The following LUC7L3 variants were observed in gnomAD, a reference collection of about 807,000 sequenced individuals.
The protein encoded by LUC7L3 is luc7-like protein 3.
A neutral mutation model predicts 66.8 loss-of-function variants in LUC7L3; 6 were observed. The observed-to-expected ratio is 0.09, with a 90% CI of 0.05 to 0.18. LUC7L3 has a LOEUF of 0.18. Ranked by LOEUF, LUC7L3 falls within the 10% of genes least tolerant of loss-of-function variation. LUC7L3 has a pLI of 1.00. For synonymous variants in LUC7L3, 160 were observed against 174.7 expected, an observed-to-expected ratio of 0.92 and a Z score of 0.66; for missense variants, 341 against 531.1, an observed-to-expected ratio of 0.64 and a Z score of 3.52.
At chr17:50,730,079 G>T (rs549125542) in intron 1 of LUC7L3, among the ~76,000 whole-genome samples, 6 of 151,178 alleles carry the variant, frequency 4.0e-5, no homozygotes, top group South Asian at 4.2e-4. Flanking sequence ...GCTTGAGCAG[G>T]CTCCTCCCAT....
intron 1 of LUC7L3, among the ~76,000 whole-genome samples, chr17:50,727,100 A>G (rs976226882): frequency 1.3e-5 from 2 of 152,096 alleles, no homozygotes; most frequent in Non-Finnish European, 2.9e-5. Context: ...AAAAAAAAAG[A>G]ATACAGTATA....
chr17:50,736,820 A>G, intron 1 of LUC7L3, 140 bp from the exon 2 acceptor site: 1 of 622,016 alleles, frequency 1.6e-6, no homozygotes, highest in Middle Eastern at 4.2e-4. Context: ...AATTTACCTA[A>G]TATGATTCAA....
chr17:50,755,717 A>G lies in LUC7L3; in HGVS notation c.*5056A>G, dbSNP rs1043195470. ...CTCGTAGCCATTCATTCCCGGATACATACCCTAGAGAAACTCTTACACATG... is the reference window on the plus strand; with the variant it reads ...CTCGTAGCCATTCATTCCCGGATACGTACCCTAGAGAAACTCTTACACATG... On this transcript the variant is annotated 3_prime_UTR_variant, in exon 10 of 10. Coordinates refer to ENST00000505658, the MANE Select transcript of LUC7L3 (RefSeq NM_016424.5). 3.9e-5 allele frequency: 6 copies of G among 152,212 alleles called. No individual in the cohort carries two copies. The highest frequency in any genetic ancestry group is 7.3e-5 in the Non-Finnish European group (5 of 68,046). 9.4% of individuals were successfully genotyped at this position (152,212 alleles called of 1,614,324 possible). A position where few individuals can be genotyped will look rare whatever the true frequency, so the allele number is the denominator to read the frequency against.
intron 1 of LUC7L3, chr17:50,723,079 C>CTA (rs1290365640): frequency 6.6e-6 from 1 of 152,154 alleles, no homozygotes; most frequent in Non-Finnish European, 1.5e-5. Context: ...AGAGAAGGCA[C>CTA]TAGTAGCCAT....
chr17:50,737,386 C>A (rs1470548560), intron 2 of LUC7L3: 1 of 457,876 alleles, frequency 2.2e-6, no homozygotes. Flanking sequence ...AGCAGAGCAA[C>A]CTGTACCCTA....
intron 1 of LUC7L3, among the ~76,000 whole-genome samples, chr17:50,721,549 C>T (rs1287631618): frequency 6.6e-6 from 1 of 152,206 alleles, no homozygotes; most frequent in Non-Finnish European, 1.5e-5. Context: ...TTGCACTTCA[C>T]TCTAGATTGA....
chr17:50,732,410 T>G (rs1969665681), intron 1 of LUC7L3, among the ~76,000 whole-genome samples: 1 of 152,164 alleles, frequency 6.6e-6, no homozygotes, highest in South Asian at 2.1e-4. Context: ...TATTTGAGTC[T>G]TGCCCTTTTC....
chr17:50,746,800 A>C, intron 9 of LUC7L3, 98 bp downstream of exon 9: 1 of 1,004,704 alleles, frequency 1.0e-6, no homozygotes, highest in East Asian at 2.7e-5. Context: ...CATTTCATAC[A>C]TACTCCTTTT....
rs528900923 is a variant in LUC7L3 at position 50,749,844 on chromosome 17, C to G, written c.1139-657C>G. On this transcript the variant is annotated intron_variant, in intron 9 of 9. Transcript: ENST00000505658. ...AATAGTAGAGGAAAAAGTTGTTTAC[C>G]TTTTTCATTCTTCATTTGCAGCTGA... is the stretch of plus-strand genomic sequence containing the variant. Among the ~76,000 whole-genome samples the G allele has an allele frequency of 9.2e-5, 14 of 152,170 alleles. No homozygotes were observed. The South Asian group carries it at 2.9e-3, about 32-fold the overall frequency.
chr17:50,744,564 T>G, intron 6 of LUC7L3, 88 bp from the exon 7 acceptor site: 1 of 1,234,514 alleles, frequency 8.1e-7, no homozygotes, highest in African/African-American at 1.5e-5. Context: ...TTCACACACA[T>G]TAGAAATCTT....
chr17:50,733,470 T>C (rs1211319098), intron 1 of LUC7L3, among the ~76,000 whole-genome samples: 1 of 137,910 alleles, frequency 7.3e-6, no homozygotes, highest in Non-Finnish European at 1.6e-5. Flanking sequence ...GGCGCCATCT[T>C]GGCTCACTGC....
chr17:50,739,150 A>G (rs1970183809), intron 2 of LUC7L3, among the ~76,000 whole-genome samples: 1 of 152,178 alleles, frequency 6.6e-6, no homozygotes. Context: ...AAAACAAGAG[A>G]TCCAGTAATT....
chr17:50,748,581 C>T (rs1366030462), intron 9 of LUC7L3, among the ~76,000 whole-genome samples: 1 of 151,730 alleles, frequency 6.6e-6, no homozygotes, highest in Non-Finnish European at 1.5e-5. Flanking sequence ...GCCTCAGTCT[C>T]CTAAAGTGCT....
chr17:50,747,262 G>A (rs1970738898), intron 9 of LUC7L3, among the ~76,000 whole-genome samples: 1 of 133,110 alleles, frequency 7.5e-6, no homozygotes, highest in Non-Finnish European at 1.5e-5. Flanking sequence ...TGGCATCCCA[G>A]TAGCTGATTT....
At chr17:50,743,431 C>T (rs1166642597) in intron 5 of LUC7L3, among the ~76,000 whole-genome samples, 6 of 152,072 alleles carry the variant, frequency 3.9e-5, no homozygotes, top group Non-Finnish European at 8.8e-5. Flanking sequence ...GTCTTGAATT[C>T]CTGACCTCAG....
intron 9 of LUC7L3, chr17:50,749,275 C>T: frequency 7.8e-7 from 1 of 1,289,324 alleles, no homozygotes; most frequent in Non-Finnish European, 1.0e-6. Context: ...AACAAGACGA[C>T]TCTTCCTCAT....
chr17:50,736,624 G>A (rs1970000583), intron 1 of LUC7L3: 1 of 227,774 alleles, frequency 4.4e-6, no homozygotes, highest in South Asian at 6.2e-5. Flanking sequence ...GAGATGAAAT[G>A]ATAAGAATAG....
intron 1 of LUC7L3, among the ~76,000 whole-genome samples, chr17:50,730,462 C>T (rs993766443): frequency 1.6e-5 from 2 of 127,930 alleles, no homozygotes; most frequent in Non-Finnish European, 1.5e-5. Flanking sequence ...AGGTAGTGAG[C>T]CAAGATCGAA....
At chr17:50,749,326 G>A (rs1441720052) in intron 9 of LUC7L3, 4 of 1,289,232 alleles carry the variant, frequency 3.1e-6, no homozygotes, top group Non-Finnish European at 4.0e-6. Context: ...AAGGCACAAA[G>A]GGAGGACTTT....
Sources: gnomAD v4.1 joint callset for allele counts (sites outside exome capture counted in the v4.1 genomes callset) on GRCh38, gnomAD v4.1.1 for gene constraint, MANE v1.5 for transcripts, NCBI Gene and HGNC (gene_info 2026-07-23, HGNC 2026-07-21) for gene names.